The following SYT2 variants were observed in gnomAD, a reference collection of about 807,000 sequenced individuals.
The protein encoded by SYT2 is synaptotagmin 2, also known as synaptotagmin-2.
SYT2 carries 15 observed loss-of-function variants against 39.9 expected under a neutral mutation model. The observed-to-expected ratio is 0.38, with a 90% CI of 0.25 to 0.58. The LOEUF is 0.58. Among genes scored for constraint, SYT2 ranks in the 20% least tolerant of loss-of-function variants. The pLI, the probability that SYT2 is intolerant of heterozygous loss-of-function variation, is 0.70. For synonymous variants in SYT2, 181 were observed against 204.5 expected (o/e 0.89, Z 0.98); for missense variants, 389 against 530.3 (o/e 0.73, Z 2.62).
intron 1 of SYT2, among the ~76,000 whole-genome samples, chr1:202,660,624 TTTTTTA>T (rs1220782895): frequency 6.6e-6 from 1 of 152,168 alleles, no homozygotes; most frequent in Non-Finnish European, 1.5e-5. Flanking sequence ...CCATCTTTAT[TTTTTTA>T]TTTTTAAACA....
At chr1:202,685,132 T>G (rs932599597) in intron 1 of SYT2, among the ~76,000 whole-genome samples, 1 of 152,148 alleles carries the variant, frequency 6.6e-6, no homozygotes, top group Non-Finnish European at 1.5e-5. Context: ...GTCGATGAAG[T>G]GGCCACCTGA....
At chr1:202,619,152 C>A (rs912678964) in intron 1 of SYT2, among the ~76,000 whole-genome samples, 7 of 152,156 alleles carry the variant, frequency 4.6e-5, no homozygotes, top group African/African-American at 9.7e-5. Context: ...TGAGGGAGAG[C>A]CAAATTATCG....
rs1261661775 is a variant in SYT2 at position 202,593,150 on chromosome 1, G to C, written c.*3607C>G. Reference sequence around the variant, plus strand: ...GCAGAGGATATGAGGGCAGTTCCTGGCTCAATCTCTTTCTACCTTTGAGTG... The same window carrying C: ...GCAGAGGATATGAGGGCAGTTCCTGCCTCAATCTCTTTCTACCTTTGAGTG... On this transcript the variant is annotated 3_prime_UTR_variant, in exon 9 of 9. Transcript: ENST00000367268. 6.6e-6 allele frequency: 1 copy of C among 152,276 alleles called. No individual in the cohort carries two copies. The highest frequency in any genetic ancestry group is 1.5e-5 in the Non-Finnish European group (1 of 68,088). 9.4% of individuals were successfully genotyped at this position (152,276 alleles called of 1,614,324 possible). A position where few individuals can be genotyped will look rare whatever the true frequency, so the allele number is the denominator to read the frequency against.
intron 1 of SYT2, among the ~76,000 whole-genome samples, chr1:202,705,469 C>T (rs1654224740): frequency 1.3e-5 from 2 of 152,208 alleles, no homozygotes; most frequent in Admixed American, 1.3e-4. Flanking sequence ...CTGAGGTCCC[C>T]GGCTAAAGTG....
intron 1 of SYT2, among the ~76,000 whole-genome samples, chr1:202,635,782 G>A (rs1212236461): frequency 6.6e-6 from 1 of 152,116 alleles, no homozygotes; most frequent in Non-Finnish European, 1.5e-5. Context: ...GAAGATATTG[G>A]GGGCCAAACC....
At chr1:202,646,027 T>A (rs1692075034) in intron 1 of SYT2, among the ~76,000 whole-genome samples, 1 of 152,160 alleles carries the variant, frequency 6.6e-6, no homozygotes, top group African/African-American at 2.4e-5. Flanking sequence ...CCCCAAAGGG[T>A]GGATGACTCA....
At chr1:202,674,686 C>T (rs1391082226) in intron 1 of SYT2, among the ~76,000 whole-genome samples, 1 of 152,128 alleles carries the variant, frequency 6.6e-6, no homozygotes, top group Non-Finnish European at 1.5e-5. Context: ...TTAAAATTTT[C>T]CAAGGACTCC....
At chr1:202,688,038 C>T (rs372342066) in intron 1 of SYT2, among the ~76,000 whole-genome samples, 8 of 152,250 alleles carry the variant, frequency 5.3e-5, no homozygotes, top group Admixed American at 2.0e-4. Context: ...ATCTGGTCAG[C>T]GCAGCCCCTC....
At chr1:202,654,621 A>G (rs1265058122) in intron 1 of SYT2, among the ~76,000 whole-genome samples, 1 of 152,340 alleles carries the variant, frequency 6.6e-6, no homozygotes, top group East Asian at 1.9e-4. Context: ...TGGAGAGGTG[A>G]CACTGATCAT....
At chr1:202,699,429 T>TC (rs1008770068) in intron 1 of SYT2, among the ~76,000 whole-genome samples, 1 of 152,164 alleles carries the variant, frequency 6.6e-6, no homozygotes, top group African/African-American at 2.4e-5. Flanking sequence ...ACCACCTGAC[T>TC]CCCTTCTCTG....
At chr1:202,643,318 A>AGGGCGGGGGCGG (rs368231922) in intron 1 of SYT2, 2 of 151,016 alleles carry the variant, frequency 1.3e-5, no homozygotes, top group African/African-American at 2.4e-5. Context: ...GCTGGTGGAG[A>AGGGCGGGGGCGG]GGGCGGGGGC....
chr1:202,619,187 C>T (rs554274952), intron 1 of SYT2, among the ~76,000 whole-genome samples: 17 of 152,320 alleles, frequency 1.1e-4, no homozygotes, highest in South Asian at 8.3e-4. Flanking sequence ...CCTCGCCTCC[C>T]GCATGGCTGG....
rs543642100 is a variant in SYT2, at chr1:202,708,921, G to A, written c.-18+1337C>T. Reference sequence around the variant, plus strand: ...GGTTGAAAGGATTAAGGGCTTCCCTGCTTCTGTCACCCCCTCTAATGAAGT... The same window carrying A: ...GGTTGAAAGGATTAAGGGCTTCCCTACTTCTGTCACCCCCTCTAATGAAGT... On this transcript the variant is annotated intron_variant, in intron 1 of 8. Transcript: ENST00000367268. Among the ~76,000 whole-genome samples, 2 of 152,320 alleles carry A rather than the reference G, an allele frequency of 1.3e-5. 1 individual carries two copies. Among genetic ancestry groups the A allele is most frequent in the African/African-American group, 4.8e-5 (2 of 41,578 alleles).
At chr1:202,606,339 T>G (rs1572617547) in intron 1 of SYT2, among the ~76,000 whole-genome samples, 1 of 152,134 alleles carries the variant, frequency 6.6e-6, no homozygotes, top group East Asian at 1.9e-4. Context: ...CTCTCCTATA[T>G]CTCATTGAAA....
At chr1:202,617,523 C>T (rs1443238050) in intron 1 of SYT2, among the ~76,000 whole-genome samples, 5 of 152,140 alleles carry the variant, frequency 3.3e-5, no homozygotes, top group East Asian at 3.8e-4. Context: ...TGTGGAACTT[C>T]GAGCCAATTA....
Position 202,676,037 on chromosome 1 carries a change from C to CA in SYT2, c.-18+34220dup, listed in dbSNP as rs1653360600. Among the ~76,000 whole-genome samples, 7 of 152,322 alleles carry CA rather than the reference C, an allele frequency of 4.6e-5. No individual in the cohort carries two copies. The South Asian group carries it at 1.2e-3, about 27-fold the overall frequency. The stretch of plus-strand genomic sequence containing the variant: ...TCACTAGTAATTGACAAGCCAGGTT[C>CA]AATCCCAACCCAACTCACTTCAAAG... On this transcript the variant is annotated intron_variant, in intron 1 of 8. Transcript: ENST00000367268.
In SYT2 at chr1:202,701,703, T is replaced by C. The variant is rs569717819; in HGVS notation, c.-18+8555A>G. Among the ~76,000 whole-genome samples the C allele has an allele frequency of 1.2e-4, 19 of 152,328 alleles. 1 individual carries two copies. The highest frequency in any genetic ancestry group is 4.3e-4 in the African/African-American group (18 of 41,566). On this transcript the variant is annotated intron_variant, in intron 1 of 8. Transcript: ENST00000367268. ...GCACCATCAATGTCAAGCATGGGAATGGCAAATAACTTTATTGCCATCATG... is the reference window on the plus strand; with the variant it reads ...GCACCATCAATGTCAAGCATGGGAACGGCAAATAACTTTATTGCCATCATG...
chr1:202,679,526 T>C (rs1653473749), intron 1 of SYT2, among the ~76,000 whole-genome samples: 1 of 152,188 alleles, frequency 6.6e-6, no homozygotes, highest in African/African-American at 2.4e-5. Context: ...CCACTTATAA[T>C]TGGTTAGCAA....
intron 1 of SYT2, among the ~76,000 whole-genome samples, chr1:202,661,385 C>T (rs559376722): frequency 1.3e-5 from 2 of 152,122 alleles, no homozygotes; most frequent in African/African-American, 4.8e-5. Flanking sequence ...TGGATGGCTT[C>T]GCCTTCCTCC....
Sources: allele counts gnomAD v4.1 joint callset (sites outside exome capture counted in the v4.1 genomes callset), GRCh38; gene constraint gnomAD v4.1.1; transcripts MANE v1.5; gene names NCBI Gene and HGNC (gene_info 2026-07-23, HGNC 2026-07-21).